The following RFC3 variants were observed in gnomAD, a reference collection of about 807,000 sequenced individuals.
The protein encoded by RFC3 is A1 38 kDa subunit.
In RFC3, 41 loss-of-function variants were observed where a neutral mutation model predicts 45.1. The ratio of observed to expected loss-of-function variants is 0.91; its 90% CI spans 0.71 to 1.18. The LOEUF (loss-of-function observed/expected upper bound fraction) is 1.18. Among genes scored for constraint, RFC3 ranks in the 50% most tolerant of loss-of-function variants. The probability of loss-of-function intolerance (pLI) is 0.00; values close to 1 mark genes in which losing one functional copy is unlikely to be tolerated. For synonymous variants in RFC3, 149 were observed against 144.0 expected, an observed-to-expected ratio of 1.03 and a Z score of -0.25; for missense variants, 423 against 428.1, an observed-to-expected ratio of 0.99 and a Z score of 0.10.
chr13:33,959,792 A>G (rs2083044854), intron 8 of RFC3, among the ~76,000 whole-genome samples: 1 of 152,106 alleles, frequency 6.6e-6, no homozygotes, highest in Non-Finnish European at 1.5e-5. Context: ...GTGTCAGGCC[A>G]TTCTTGCACT....
In RFC3 at chr13:33,872,794, C is replaced by CA. The variant is rs1555235484; in HGVS notation, c.879+37577_879+37578insA. Among the ~76,000 whole-genome samples the CA allele has an allele frequency of 9.1e-3, 1,144 of 125,724 alleles. 60 individuals are homozygous for CA. Among genetic ancestry groups the CA allele is most frequent in the Middle Eastern group, 0.033 (8 of 246 alleles). 82.5% of individuals were successfully genotyped at this position (125,724 alleles called of 152,430 possible). On this transcript the variant is annotated intron_variant, in intron 8 of 8. Transcript: ENST00000434425. ...GAACAAAAAAAGAAAGAAACCAAAC[C>CA]CCCCCCCCCAAAATACATGGTAGGC...
intron 8 of RFC3, among the ~76,000 whole-genome samples, chr13:33,884,619 T>C (rs1008383857): frequency 3.9e-5 from 6 of 152,198 alleles, no homozygotes; most frequent in Non-Finnish European, 8.8e-5. Context: ...ACCTTGTAAT[T>C]ACATCCAGAG....
chr13:33,818,378 A>G lies in RFC3; in HGVS notation c.87+113A>G, dbSNP rs528188925. The G allele has an allele frequency of 1.1e-5, 8 of 761,220 alleles. No homozygotes were observed. In the East Asian group the frequency reaches 1.1e-4, roughly 10 times the overall value. 47.2% of individuals were successfully genotyped at this position (761,220 alleles called of 1,614,324 possible). A position where few individuals can be genotyped will look rare whatever the true frequency, so the allele number is the denominator to read the frequency against. ...CCCGCATTGGAAGGTGATAAGTGCT[A>G]TGGAGAAAAATAACACAGGGAAGGG... On this transcript the variant is annotated intron_variant, in intron 1 of 8. Transcript: ENST00000380071.
intron 8 of RFC3, among the ~76,000 whole-genome samples, chr13:33,857,147 T>C (rs947026798): frequency 6.6e-6 from 1 of 152,244 alleles, no homozygotes; most frequent in Non-Finnish European, 1.5e-5. Flanking sequence ...TTCCTTGGAA[T>C]TTAATAATAG....
At chr13:33,831,571 C>G (rs879381994) in intron 7 of RFC3, among the ~76,000 whole-genome samples, 1 of 151,176 alleles carries the variant, frequency 6.6e-6, no homozygotes, top group Admixed American at 6.6e-5. Context: ...AATATCATGG[C>G]TTACATGTGA....
downstream of RFC3, among the ~76,000 whole-genome samples, chr13:33,968,804 C>G (rs184415586): frequency 3.2e-4 from 49 of 152,266 alleles, no homozygotes; most frequent in Non-Finnish European, 6.2e-4. Flanking sequence ...TTGAAATTGC[C>G]TCTTACGTTG....
intron 8 of RFC3, among the ~76,000 whole-genome samples, chr13:33,893,071 C>A (rs190107324): frequency 6.6e-6 from 1 of 152,014 alleles, no homozygotes; most frequent in Non-Finnish European, 1.5e-5. Context: ...GAGGACAGGC[C>A]GAGAGAAGGG....
At chr13:33,849,407 A>T (rs1171846436) in intron 8 of RFC3, 1 of 152,232 alleles carries the variant, frequency 6.6e-6, no homozygotes, top group African/African-American at 2.4e-5. Flanking sequence ...CCTGATCTGT[A>T]GTGTTTGCAG....
chr13:33,950,756 T>G (rs1249062849), intron 8 of RFC3, among the ~76,000 whole-genome samples: 1 of 151,670 alleles, frequency 6.6e-6, no homozygotes, highest in Non-Finnish European at 1.5e-5. Context: ...GTATTCTCTC[T>G]CTCTTCTCTT....
intron 8 of RFC3, among the ~76,000 whole-genome samples, chr13:33,939,834 G>C (rs1356215587): frequency 6.6e-6 from 1 of 152,030 alleles, no homozygotes; most frequent in Non-Finnish European, 1.5e-5. Context: ...ATAGGTTGTT[G>C]GTGTCAGAGA....
At chr13:33,965,966 C>A in intron 8 of RFC3, 1 of 689,358 alleles carries the variant, frequency 1.5e-6, no homozygotes, top group South Asian at 1.7e-5. Context: ...TCATTCGTAG[C>A]TTGCTCCTGA....
At chr13:33,961,225 C>A (rs991825820) in intron 8 of RFC3, among the ~76,000 whole-genome samples, 2 of 152,118 alleles carry the variant, frequency 1.3e-5, no homozygotes, top group African/African-American at 4.8e-5. Flanking sequence ...GCTGTCATTT[C>A]TTCCACGGCC....
chr13:33,896,585 G>A (rs2137652021), intron 8 of RFC3, among the ~76,000 whole-genome samples: 1 of 151,678 alleles, frequency 6.6e-6, no homozygotes, highest in Middle Eastern at 3.4e-3. Flanking sequence ...GTAGCTAGGA[G>A]TGGTGGTCCC....
chr13:33,901,561 G>C (rs1157754768), intron 8 of RFC3, among the ~76,000 whole-genome samples: 2 of 151,910 alleles, frequency 1.3e-5, no homozygotes, highest in Non-Finnish European at 2.9e-5. Flanking sequence ...GAAGGATGAA[G>C]AGAAGTTAAT....
intron 8 of RFC3, among the ~76,000 whole-genome samples, chr13:33,892,173 T>C (rs558092517): frequency 6.6e-6 from 1 of 152,312 alleles, no homozygotes; most frequent in African/African-American, 2.4e-5. Context: ...CTGAGACATC[T>C]GAAATACAGA....
At chr13:33,972,720 C>T in the RFC3 span, among the ~76,000 whole-genome samples, 21 of 152,070 alleles carry the variant, frequency 1.4e-4, no homozygotes, top group Non-Finnish European at 2.6e-4. Flanking sequence ...CATTATGGCC[C>T]GTTAAGCCTA....
intron 8 of RFC3, among the ~76,000 whole-genome samples, chr13:33,909,991 AAAT>A (rs2082694521): frequency 6.6e-6 from 1 of 152,136 alleles, no homozygotes; most frequent in Admixed American, 6.6e-5. Flanking sequence ...TGTAGACTAG[AAAT>A]AATGATAATG....
rs770495178 is a variant in RFC3, at chr13:33,821,285, T to G, written c.225+16T>G. 3.1e-6 allele frequency: 5 copies of G among 1,611,942 alleles called. No homozygotes were observed. In the African/African-American group the frequency reaches 5.3e-5, roughly 17 times the overall value. ...GACCATCACAGTAAGCATTTCACTTTGAGGCCCTGAAAGTAATTTATAGCG... is the reference window on the plus strand; with the variant it reads ...GACCATCACAGTAAGCATTTCACTTGGAGGCCCTGAAAGTAATTTATAGCG... On this transcript the variant is annotated intron_variant, in intron 2 of 8. Transcript: ENST00000380071.
chr13:33,961,264 C>T (rs1416183185), intron 8 of RFC3, among the ~76,000 whole-genome samples: 1 of 152,166 alleles, frequency 6.6e-6, no homozygotes, highest in Non-Finnish European at 1.5e-5. Flanking sequence ...TCCTACTTCA[C>T]ATCTGTGCAT....
Sources: gnomAD v4.1 joint callset for allele counts (sites outside exome capture counted in the v4.1 genomes callset) on GRCh38, gnomAD v4.1.1 for gene constraint, MANE v1.5 for transcripts, NCBI Gene and HGNC (gene_info 2026-07-23, HGNC 2026-07-21) for gene names.